Variants in LRRC38 observed in about 807,000 individuals in gnomAD.
LRRC38 encodes the protein leucine rich repeat containing 38.
Under a neutral mutation model 16.4 loss-of-function variants are expected in LRRC38, and 5 were observed. The ratio of observed to expected loss-of-function variants is 0.31; its 90% CI spans 0.16 to 0.64. LRRC38 has a LOEUF of 0.64. Among genes scored for constraint, LRRC38 ranks in the 30% least tolerant of loss-of-function variants. The pLI, the probability that LRRC38 is intolerant of heterozygous loss-of-function variation, is 0.80. For synonymous variants in LRRC38, 191 were observed against 190.2 expected (o/e 1.00, Z -0.04); for missense variants, 341 against 401.8 (o/e 0.85, Z 1.29).
At chr1:13,509,849 C>A (rs754080196) in intron 1 of LRRC38, among the ~76,000 whole-genome samples, 1 of 152,134 alleles carries the variant, frequency 6.6e-6, no homozygotes, top group African/African-American at 2.4e-5. Flanking sequence ...AGTTACTGCA[C>A]CACAGAGCCA....
intron 1 of LRRC38, among the ~76,000 whole-genome samples, chr1:13,482,887 C>T (rs1439565979): frequency 6.6e-6 from 1 of 152,176 alleles, no homozygotes; most frequent in Non-Finnish European, 1.5e-5. Flanking sequence ...TTCCTCAGGC[C>T]AACCTGATCA....
At chr1:13,476,344 GTTTT>G (rs144071574) in intron 1 of LRRC38, among the ~76,000 whole-genome samples, 1 of 150,804 alleles carries the variant, frequency 6.6e-6, no homozygotes, top group Non-Finnish European at 1.5e-5. Flanking sequence ...TTTGTTTTTT[GTTTT>G]TTGTTTTTGA....
intron 1 of LRRC38, among the ~76,000 whole-genome samples, chr1:13,481,731 CCCAA>C (rs1638862040): frequency 2.0e-5 from 3 of 151,000 alleles, no homozygotes; most frequent in African/African-American, 7.3e-5. Flanking sequence ...AGAGAGCTCT[CCCAA>C]TCTGTCTCTG....
chr1:13,508,890 G>A (rs190581862), intron 1 of LRRC38, among the ~76,000 whole-genome samples: 2 of 152,258 alleles, frequency 1.3e-5, no homozygotes, highest in East Asian at 1.9e-4. Context: ...GTGGAGCTTC[G>A]GGGAAATGGG....
At chr1:13,502,014 A>G (rs1455984878) in intron 1 of LRRC38, among the ~76,000 whole-genome samples, 1 of 148,064 alleles carries the variant, frequency 6.8e-6, no homozygotes, top group Non-Finnish European at 1.5e-5. Flanking sequence ...TGCAAGCCCC[A>G]CCTCCTGGGT....
chr1:13,505,571 G>T (rs560919267), intron 1 of LRRC38, among the ~76,000 whole-genome samples: 128 of 152,332 alleles, frequency 8.4e-4, no homozygotes, highest in African/African-American at 2.9e-3. Flanking sequence ...TACGCAGGGT[G>T]CGGCTGACAG....
intron 1 of LRRC38, among the ~76,000 whole-genome samples, chr1:13,512,546 A>G (rs1298489160): frequency 1.3e-5 from 2 of 152,062 alleles, no homozygotes; most frequent in Non-Finnish European, 2.9e-5. Flanking sequence ...GCTGCTGGAG[A>G]GCCCTTGGAA....
chr1:13,482,029 G>T (rs1209427050), intron 1 of LRRC38, among the ~76,000 whole-genome samples: 6 of 152,114 alleles, frequency 3.9e-5, no homozygotes, highest in Non-Finnish European at 8.8e-5. Flanking sequence ...TTCTAAGACA[G>T]GCCTATTTTT....
Position 13,487,499 on chromosome 1 carries a change from G to T in LRRC38, c.632-11400C>A, listed in dbSNP as rs1461753363. Among the ~76,000 whole-genome samples, 1 of 152,132 alleles carries T rather than the reference G, an allele frequency of 6.6e-6. No individual in the cohort carries two copies. The highest frequency in any genetic ancestry group is 1.5e-5 in the Non-Finnish European group (1 of 68,030). On this transcript the variant is annotated intron_variant, in intron 1 of 1. Coordinates refer to ENST00000376085, the MANE Select transcript of LRRC38 (RefSeq NM_001010847.2). The surrounding 1 kb of genome is among the most constrained non-coding windows in gnomAD (Gnocchi z 4.4). ...ACCAAAGTGGGCTCCGTCTCATTCT[G>T]GCCTAGGCAGAACAGGGCCCACAGC...
intron 1 of LRRC38, among the ~76,000 whole-genome samples, chr1:13,507,931 T>G (rs1639231926): frequency 6.7e-6 from 1 of 149,338 alleles, no homozygotes; most frequent in South Asian, 2.1e-4. Flanking sequence ...CATTCAGGGG[T>G]TTAAAAAAAA....
Position 13,475,716 on chromosome 1 carries a change from G to T in LRRC38, c.*130C>A. The stretch of plus-strand genomic sequence containing the variant: ...CCCAGCAGGTGTACCCAGGGGCCAA[G>T]ACACGGAACAGGCTCTGTTCAGTTC... On this transcript the variant is annotated 3_prime_UTR_variant, in exon 2 of 2. Transcript: ENST00000376085. This position sits in a 1 kb window ranked among gnomAD's most constrained non-coding sequence, Gnocchi z 4.3. 8.1e-7 allele frequency: 1 copy of T among 1,231,204 alleles called. No individual in the cohort carries two copies. Among genetic ancestry groups the T allele is most frequent in the Non-Finnish European group, 1.1e-6 (1 of 903,326 alleles). The allele number at this position is 1,231,204 out of a possible 1,614,324, so 76.3% of individuals were successfully genotyped here.
chr1:13,484,353 C>A (rs1024075197), intron 1 of LRRC38, among the ~76,000 whole-genome samples: 20 of 152,190 alleles, frequency 1.3e-4, no homozygotes, highest in Admixed American at 2.0e-4. Flanking sequence ...GCTCCTCCCC[C>A]ACTCCCATGT....
intron 1 of LRRC38, among the ~76,000 whole-genome samples, chr1:13,485,253 G>C (rs1375453577): frequency 2.2e-5 from 3 of 138,386 alleles, no homozygotes; most frequent in African/African-American, 8.5e-5. Flanking sequence ...CTCCAGCCTA[G>C]GCAACAAGAG....
At chr1:13,497,909 G>A (rs1261593006) in intron 1 of LRRC38, among the ~76,000 whole-genome samples, 7 of 134,190 alleles carry the variant, frequency 5.2e-5, no homozygotes, top group Non-Finnish European at 9.1e-5. Context: ...GCCGTGAGCC[G>A]AGATTGCACC....
At chr1:13,501,558 G>C (rs1420696043) in intron 1 of LRRC38, among the ~76,000 whole-genome samples, 1 of 143,988 alleles carries the variant, frequency 6.9e-6, no homozygotes, top group Non-Finnish European at 1.5e-5. Flanking sequence ...ACAGGTGCAC[G>C]CCACCATGCC....
At position 13,475,247 on chromosome 1, in the gene LRRC38, T is replaced by C. The variant is rs952608054; in HGVS notation, c.*599A>G. 2 of 153,348 alleles carry C rather than the reference T, an allele frequency of 1.3e-5. No individual in the cohort carries two copies. The highest frequency in any genetic ancestry group is 1.9e-4 in the East Asian group (1 of 5,206). The allele number at this position is 153,348 out of a possible 1,614,324, so 9.5% of individuals were successfully genotyped here. On this transcript the variant is annotated 3_prime_UTR_variant, in exon 2 of 2. Transcript: ENST00000376085. The surrounding 1 kb of genome is among the most constrained non-coding windows in gnomAD (Gnocchi z 4.3). ...AGCCCCACCTCCAAATACCATCACA[T>C]TGGGGATTAGGTTTCAACATATAAA...
At chr1:13,511,647 C>G (rs868540402) in intron 1 of LRRC38, among the ~76,000 whole-genome samples, 3 of 152,140 alleles carry the variant, frequency 2.0e-5, no homozygotes, top group South Asian at 2.1e-4. Flanking sequence ...TGTACCCCAT[C>G]CCACCATGAG....
chr1:13,493,259 G>A (rs74056250), intron 1 of LRRC38, among the ~76,000 whole-genome samples: 11,393 of 152,130 alleles, frequency 0.075, 716 homozygotes, highest in East Asian at 0.28. Context: ...GGCCTTCAGC[G>A]GGGCTCGGTG....
intron 1 of LRRC38, among the ~76,000 whole-genome samples, chr1:13,507,685 A>T (rs1204576555): frequency 2.0e-5 from 3 of 152,142 alleles, no homozygotes; most frequent in Non-Finnish European, 4.4e-5. Flanking sequence ...TACAAAAATT[A>T]GCTGGGTGTG....
Sources: allele counts gnomAD v4.1 joint callset (sites outside exome capture counted in the v4.1 genomes callset), GRCh38; gene constraint gnomAD v4.1.1; non-coding constraint Gnocchi (gnomAD v3.1); transcripts MANE v1.5; gene names NCBI Gene and HGNC (gene_info 2026-07-23, HGNC 2026-07-21).